The following DUSP10 variants were observed in gnomAD, a reference collection of about 807,000 sequenced individuals.
DUSP10 encodes the protein dual specificity protein phosphatase 10.
Under a neutral mutation model 30.8 loss-of-function variants are expected in DUSP10, and 14 were observed. That is an observed-to-expected ratio of 0.46 (90% CI 0.30 to 0.71). The LOEUF (loss-of-function observed/expected upper bound fraction) is 0.71. Ranked by LOEUF, DUSP10 falls within the 30% of genes least tolerant of loss-of-function variation. DUSP10 has a pLI of 0.08. For missense variants in DUSP10, 550 were observed against 619.4 expected (o/e 0.89, Z 1.19); for synonymous variants, 254 against 250.4 (o/e 1.01, Z -0.14).
chr1:221,731,733 C>T (rs1028793173), intron 2 of DUSP10, among the ~76,000 whole-genome samples: 13 of 151,166 alleles, frequency 8.6e-5, no homozygotes, highest in Admixed American at 5.9e-4. Context: ...CTCAGCCTCC[C>T]GAGTAGCTGG....
chr1:221,740,292 A>C (rs1181482121), intron 1 of DUSP10, among the ~76,000 whole-genome samples: 4 of 152,250 alleles, frequency 2.6e-5, no homozygotes, highest in African/African-American at 7.2e-5. Flanking sequence ...AAGGTACAGC[A>C]GCTAAATATA....
In DUSP10 at chr1:221,739,510, T is replaced by C; in HGVS notation, c.235A>G (p.Ser79Gly). ...RSLNCGCSSA[S>G]CCTVATYDKD... ...TCGTAGGTTGCCACAGTGCAGCAGC[T>C]GGCACTGCTGCATCCACAATTCAGC... Residue 79 changes from serine to glycine, a missense_variant, in exon 2 of 4, where the codon AGC (serine) becomes GGC (glycine). By Grantham distance (56) the Ser-to-Gly change is moderately conservative. Coordinates refer to ENST00000366899, the MANE Select transcript of DUSP10 (RefSeq NM_007207.6). 6.2e-7 allele frequency: 1 copy of C among 1,614,190 alleles called. No homozygotes were observed. Among genetic ancestry groups the C allele is most frequent in the Non-Finnish European group, 8.5e-7 (1 of 1,180,030 alleles).
rs572545240 is a variant in DUSP10 at position 221,713,066 on chromosome 1, A to G, written c.812-6600T>C. Among the ~76,000 whole-genome samples the G allele has an allele frequency of 1.1e-3, 166 of 152,346 alleles. 1 individual carries two copies. Among genetic ancestry groups the G allele is most frequent in the African/African-American group, 3.9e-3 (164 of 41,582 alleles). On this transcript the variant is annotated intron_variant, in intron 2 of 3. Coordinates refer to ENST00000366899, the MANE Select transcript of DUSP10 (RefSeq NM_007207.6). The stretch of plus-strand genomic sequence containing the variant: ...ACTGGAGGTAGTCAGATGCAGGAAG[A>G]TGACCAGAGACTACAGGGGTCAATG...
Position 221,739,292 on chromosome 1 carries a change from G to A in DUSP10, c.453C>T (p.Tyr151=), listed in dbSNP as rs1571835718. ...TCATCTTCTTTGCCAAGTCATTGGG[G>A]TAGATTATTTTGATGCTGGCTAGCT... The part of the protein sequence containing the change: ...PKQLASIKII[Y]PNDLAKKMTK... Residue 151 remains tyrosine, a synonymous_variant, in exon 2 of 4, where the codon TAC becomes TAT. Transcript: ENST00000366899. The A allele has an allele frequency of 6.2e-7, 1 of 1,614,196 alleles. No individual in the cohort carries two copies. The highest frequency in any genetic ancestry group is 1.1e-5 in the South Asian group (1 of 91,084).
chr1:221,717,200 AC>A (rs1661130332), intron 2 of DUSP10, among the ~76,000 whole-genome samples: 1 of 152,118 alleles, frequency 6.6e-6, no homozygotes, highest in Non-Finnish European at 1.5e-5. Flanking sequence ...GGGAGGGAAC[AC>A]CACACTGGGA....
At chr1:221,726,550 A>C (rs1661430340) in intron 2 of DUSP10, among the ~76,000 whole-genome samples, 1 of 152,188 alleles carries the variant, frequency 6.6e-6, no homozygotes, top group Non-Finnish European at 1.5e-5. Context: ...AAACTAGGCC[A>C]GTCAGGGCGG....
chr1:221,706,194 G>C lies in DUSP10; in HGVS notation c.1084C>G (p.His362Asp). 6.2e-7 allele frequency: 1 copy of C among 1,614,120 alleles called. No individual in the cohort carries two copies. The highest frequency in any genetic ancestry group is 8.5e-7 in the Non-Finnish European group (1 of 1,180,028). Reference sequence around the variant, plus strand: ...TAGTTGAACAGGCCTTTCTCATAGTGGTAGAGGGGAAGATGAGTGGTGACG... The same window carrying C: ...TAGTTGAACAGGCCTTTCTCATAGTCGTAGAGGGGAAGATGAGTGGTGACG... ...INVTTHLPLYHYEKGLFNYKR... is the reference protein window; with the variant it reads ...INVTTHLPLYDYEKGLFNYKR... Residue 362 changes from histidine (H) to aspartate (D), a missense_variant, in exon 3 of 4, where the codon CAC (histidine) becomes GAC (aspartate). Transcript: ENST00000366899. This position sits in a 1 kb window ranked among gnomAD's most constrained non-coding sequence, Gnocchi z 4.6.
At chr1:221,704,765 G>A (rs987733523) in intron 3 of DUSP10, among the ~76,000 whole-genome samples, 7 of 152,280 alleles carry the variant, frequency 4.6e-5, no homozygotes, top group Non-Finnish European at 8.8e-5. Context: ...ACTTCTCTAA[G>A]TTCAGTGATC....
At chr1:221,713,077 C>CT (rs1171578071) in intron 2 of DUSP10, among the ~76,000 whole-genome samples, 2 of 152,298 alleles carry the variant, frequency 1.3e-5, no homozygotes, top group East Asian at 3.9e-4. Context: ...TGACCAGAGA[C>CT]TACAGGGGTC....
chr1:221,739,673 G>T lies in DUSP10; in HGVS notation c.72C>A (p.Asn24Lys), dbSNP rs752361079. The T allele has an allele frequency of 5.0e-6, 8 of 1,614,046 alleles. No homozygotes were observed. The East Asian group carries it at 1.3e-4, about 27-fold the overall frequency. Residue 24 changes from asparagine (N) to lysine (K), a missense_variant, in exon 2 of 4, where the codon AAC (asparagine) becomes AAA (lysine). Transcript: ENST00000366899. ...LSRPVRPQDL[N>K]LCLDSSYLGS... is the part of the protein sequence containing the mutation. ...CAAGGTAACTAGAGTCTAAACAAAGGTTGAGATCCTGAGGTCGGACGGGCC... is the reference window on the plus strand; with the variant it reads ...CAAGGTAACTAGAGTCTAAACAAAGTTTGAGATCCTGAGGTCGGACGGGCC...
intron 1 of DUSP10, among the ~76,000 whole-genome samples, chr1:221,741,765 A>G (rs1201338732): frequency 6.6e-6 from 1 of 152,108 alleles, no homozygotes; most frequent in African/African-American, 2.4e-5. Flanking sequence ...GTAAACGCAC[A>G]GGGTAGCAGG....
intron 2 of DUSP10, among the ~76,000 whole-genome samples, chr1:221,717,458 C>CAGAGAGAG (rs34500007): frequency 6.0e-5 from 9 of 149,240 alleles, no homozygotes; most frequent in African/African-American, 2.2e-4. Context: ...GGAAAAGAAA[C>CAGAGAGAG]AGAGAGAGAG....
chr1:221,728,290 T>C (rs1427158532), intron 2 of DUSP10, among the ~76,000 whole-genome samples: 2 of 152,236 alleles, frequency 1.3e-5, no homozygotes, highest in Non-Finnish European at 2.9e-5. Flanking sequence ...AATCTTATAG[T>C]TGATATCTGA....
At chr1:221,741,634 GC>G (rs1661957694) in intron 1 of DUSP10, among the ~76,000 whole-genome samples, 1 of 146,772 alleles carries the variant, frequency 6.8e-6, no homozygotes, top group African/African-American at 2.5e-5. Context: ...ACATCCCCCC[GC>G]CCCCCGCTTC....
At chr1:221,707,951 T>G (rs193121469) in intron 2 of DUSP10, among the ~76,000 whole-genome samples, 14 of 152,348 alleles carry the variant, frequency 9.2e-5, no homozygotes, top group Non-Finnish European at 8.8e-5. Context: ...CACAATGGCA[T>G]GCACAGATAA....
intron 2 of DUSP10, among the ~76,000 whole-genome samples, chr1:221,721,596 T>C (rs1187848420): frequency 6.6e-6 from 1 of 152,176 alleles, no homozygotes; most frequent in Non-Finnish European, 1.5e-5. Context: ...CTCCCTTAAA[T>C]GTGACAAATG....
At chr1:221,741,852 GTCTC>G (rs1315835835) in intron 1 of DUSP10, 125 bp downstream of exon 1, 1 of 152,292 alleles carries the variant, frequency 6.6e-6, no homozygotes, top group African/African-American at 2.4e-5. Flanking sequence ...TTCTGTCTCT[GTCTC>G]TCTCTCACAC....
At chr1:221,733,342 T>C (rs1282502046) in intron 2 of DUSP10, among the ~76,000 whole-genome samples, 1 of 152,224 alleles carries the variant, frequency 6.6e-6, no homozygotes, top group African/African-American at 2.4e-5. Flanking sequence ...AAAACAGAAA[T>C]AGGCAAAGTG....
In DUSP10 at chr1:221,702,431, C is replaced by CTTTGTGTG; in HGVS notation, c.1429_1430insCACACAAA (p.Gly477AlafsTer45). The CTTTGTGTG allele has an allele frequency of 6.2e-7, 1 of 1,614,056 alleles. No individual in the cohort carries two copies. Among genetic ancestry groups the CTTTGTGTG allele is most frequent in the Non-Finnish European group, 8.5e-7 (1 of 1,179,992 alleles). ...CCATTGTCACACAACCGTCTCCACG[C>CTTTGTGTG]CCATCAGCTTTGGTGTAAGGATTCT... On this transcript the variant is annotated frameshift_variant, in exon 4 of 4. Transcript: ENST00000366899. LOFTEE classifies it high-confidence loss of function. This position sits in a 1 kb window ranked among gnomAD's most constrained non-coding sequence, Gnocchi z 4.5.
Sources: gnomAD v4.1 joint callset for allele counts (sites outside exome capture counted in the v4.1 genomes callset) on GRCh38, gnomAD v4.1.1 for gene constraint, Gnocchi (gnomAD v3.1) non-coding constraint, MANE v1.5 for transcripts, NCBI Gene and HGNC (gene_info 2026-07-23, HGNC 2026-07-21) for gene names.